GALNT9: variants seen among roughly 807,000 people sequenced by gnomAD.
The protein encoded by GALNT9 is GalNAc transferase 9.
A neutral mutation model predicts 63.1 loss-of-function variants in GALNT9; 47 were observed. That is an observed-to-expected ratio of 0.75 (90% CI 0.59 to 0.95). The LOEUF (loss-of-function observed/expected upper bound fraction) is 0.95, where lower values mean the gene tolerates loss of function less well. Ranked by LOEUF, GALNT9 falls within the 40% of genes least tolerant of loss-of-function variation. GALNT9 has a pLI of 0.00. For missense variants in GALNT9, 829 were observed against 874.8 expected, an observed-to-expected ratio of 0.95 and a Z score of 0.66; for synonymous variants, 396 against 365.7, an observed-to-expected ratio of 1.08 and a Z score of -0.94.
chr12:132,267,049 G>C (rs565450423), intron 2 of GALNT9, among the ~76,000 whole-genome samples: 1 of 152,204 alleles, frequency 6.6e-6, no homozygotes, highest in Non-Finnish European at 1.5e-5. Flanking sequence ...CTGGATGTGC[G>C]GTTGAGCTCT....
intron 1 of GALNT9, among the ~76,000 whole-genome samples, chr12:132,291,299 T>C (rs868991159): frequency 0.053 from 363 of 6,910 alleles, 2 homozygotes; most frequent in East Asian, 0.083. Context: ...CCCACGTCCA[T>C]AGCACCCACA....
intron 6 of GALNT9, among the ~76,000 whole-genome samples, chr12:132,222,473 T>C (rs1877487289): frequency 6.6e-6 from 1 of 151,986 alleles, no homozygotes; most frequent in Non-Finnish European, 1.5e-5. Flanking sequence ...CTCAACACCA[T>C]AAAATGAAGC....
At chr12:132,224,833 A>T (rs1312186586) in intron 6 of GALNT9, among the ~76,000 whole-genome samples, 1 of 127,392 alleles carries the variant, frequency 7.8e-6, no homozygotes, top group Non-Finnish European at 1.7e-5. Flanking sequence ...CCACATACAC[A>T]CCACACAACC....
chr12:132,293,823 C>T (rs1241386148), intron 1 of GALNT9, among the ~76,000 whole-genome samples: 1 of 151,488 alleles, frequency 6.6e-6, no homozygotes, highest in Non-Finnish European at 1.5e-5. Context: ...AGGGCCAGAA[C>T]GAGAAGCCGG....
Position 132,286,296 on chromosome 12 carries a change from C to T in GALNT9, c.373G>A (p.Asp125Asn), listed in dbSNP as rs559764668. ...EEYGYNAQLS[D>N]RISLDRSIPD... ...ATGCTCCGATCGAGGGAGATGCGGT[C>T]GCTGAGCTGAGCGTTGTAGCCGTAC... is the stretch of plus-strand genomic sequence containing the variant. The change falls in exon 2 of 11, where the codon GAC becomes AAC. Residue 125 changes from aspartate to asparagine, a missense_variant. By Grantham distance (23) the Asp-to-Asn change is conservative. Transcript: ENST00000328957. This position sits in a 1 kb window ranked among gnomAD's most constrained non-coding sequence, Gnocchi z 7.4. The T allele has an allele frequency of 3.9e-6, 6 of 1,551,210 alleles. No homozygotes were observed. The highest frequency in any genetic ancestry group is 2.0e-5 in the Admixed American group (1 of 50,996).
intron 6 of GALNT9, among the ~76,000 whole-genome samples, chr12:132,203,898 C>A (rs1024605772): frequency 2.6e-5 from 4 of 152,122 alleles, no homozygotes; most frequent in African/African-American, 9.7e-5. Context: ...GTCTGGGTTG[C>A]GTCCTCTCTG....
In GALNT9 at chr12:132,327,646, G is replaced by T. The variant is rs1052783393; in HGVS notation, c.238+1320C>A. On this transcript the variant is annotated intron_variant, in intron 1 of 10. Coordinates refer to ENST00000328957, the MANE Select transcript of GALNT9 (RefSeq NM_001122636.2). This position sits in a 1 kb window ranked among gnomAD's most constrained non-coding sequence, Gnocchi z 4.3. The stretch of plus-strand genomic sequence containing the variant: ...CTGCTTGAACTACTTTTCTCCCCTC[G>T]TGGCTCCAGCTGAATCAGAAAGATC... Among the ~76,000 whole-genome samples, 2 of 152,050 alleles carry T rather than the reference G, an allele frequency of 1.3e-5. No individual in the cohort carries two copies. The highest frequency in any genetic ancestry group is 2.9e-5 in the Non-Finnish European group (2 of 68,030).
chr12:132,309,819 G>T (rs1319127700), intron 1 of GALNT9, among the ~76,000 whole-genome samples: 1 of 152,218 alleles, frequency 6.6e-6, no homozygotes, highest in Non-Finnish European at 1.5e-5. Context: ...GGCAGAGAAA[G>T]AGACCATGCC....
At chr12:132,248,972 G>A (rs1448842174) in intron 5 of GALNT9, among the ~76,000 whole-genome samples, 3 of 152,240 alleles carry the variant, frequency 2.0e-5, no homozygotes, top group Non-Finnish European at 4.4e-5. Flanking sequence ...TGGAGCGGGA[G>A]GATAAGCTGG....
Position 132,246,384 on chromosome 12 carries a change from G to T in GALNT9, c.1077+1526C>A, listed in dbSNP as rs1298291864. On this transcript the variant is annotated intron_variant, in intron 6 of 10. Coordinates refer to ENST00000328957, the MANE Select transcript of GALNT9 (RefSeq NM_001122636.2). This position sits in a 1 kb window ranked among gnomAD's most constrained non-coding sequence, Gnocchi z 4.7. ...TAAACTAGATATTTTAAAGCACTTGGTCGGGGGGATTTCTGGTATGATATC... is the reference window on the plus strand; with the variant it reads ...TAAACTAGATATTTTAAAGCACTTGTTCGGGGGGATTTCTGGTATGATATC... Among the ~76,000 whole-genome samples, 14 of 152,278 alleles carry T rather than the reference G, an allele frequency of 9.2e-5. No individual in the cohort carries two copies. The highest frequency in any genetic ancestry group is 9.2e-4 in the Admixed American group (14 of 15,294).
At chr12:132,206,518 A>G (rs1876706740) in intron 6 of GALNT9, among the ~76,000 whole-genome samples, 1 of 152,112 alleles carries the variant, frequency 6.6e-6, no homozygotes, top group Admixed American at 6.5e-5. Flanking sequence ...ATGGTGGCAG[A>G]TGCCTGTAGT....
At chr12:132,300,767 CATG>C (rs1378398329) in intron 1 of GALNT9, among the ~76,000 whole-genome samples, 9 of 150,400 alleles carry the variant, frequency 6.0e-5, no homozygotes, top group Admixed American at 2.0e-4. Context: ...AACTCACTCC[CATG>C]ATAACTAACC....
intron 1 of GALNT9, among the ~76,000 whole-genome samples, chr12:132,305,804 C>T (rs1460034285): frequency 1.3e-5 from 2 of 152,222 alleles, no homozygotes; most frequent in African/African-American, 2.4e-5. Context: ...GGGTGGAGAG[C>T]GCGGCCCGAG....
rs951840164 is a variant in GALNT9 at position 132,328,952 on chromosome 12, G to A, written c.238+14C>T. ...GCAGGGCTGCCCCCACTCCGCCCCG[G>A]CGCCCCCGCTCACCGTTGAGCTGGT... On this transcript the variant is annotated intron_variant, in intron 1 of 10. Coordinates refer to ENST00000328957, the MANE Select transcript of GALNT9 (RefSeq NM_001122636.2). The A allele has an allele frequency of 2.7e-6, 4 of 1,509,080 alleles. No homozygotes were observed. In the Admixed American group the frequency reaches 6.1e-5, roughly 23 times the overall value. 93.5% of individuals were successfully genotyped at this position (1,509,080 alleles called of 1,614,324 possible).
intron 2 of GALNT9, among the ~76,000 whole-genome samples, chr12:132,267,812 C>CAT (rs143565191): frequency 7.7e-4 from 43 of 56,060 alleles, no homozygotes; most frequent in South Asian, 2.6e-3. Context: ...CACTCACACA[C>CAT]GCACTCACAC....
chr12:132,205,399 G>A (rs1218879159), intron 6 of GALNT9: 3 of 152,018 alleles, frequency 2.0e-5, no homozygotes, highest in Non-Finnish European at 4.4e-5. Context: ...GACAGATCCA[G>A]AGTCCGGGGC....
chr12:132,259,341 G>C (rs1361962121), intron 4 of GALNT9, among the ~76,000 whole-genome samples: 1 of 152,250 alleles, frequency 6.6e-6, no homozygotes, highest in Non-Finnish European at 1.5e-5. Context: ...GGGACTAAAA[G>C]GCTGCCGGTG....
chr12:132,266,444 T>C (rs1879600444), intron 2 of GALNT9, among the ~76,000 whole-genome samples: 1 of 152,034 alleles, frequency 6.6e-6, no homozygotes, highest in South Asian at 2.1e-4. Context: ...GGGCAGGTCC[T>C]AAATCCAACG....
chr12:132,268,071 A>C (rs1382412108), intron 2 of GALNT9, among the ~76,000 whole-genome samples: 1 of 150,706 alleles, frequency 6.6e-6, no homozygotes, highest in East Asian at 2.0e-4. Flanking sequence ...ACACGCACTC[A>C]CGCAGTCACA....
Sources: gnomAD v4.1 joint callset for allele counts (sites outside exome capture counted in the v4.1 genomes callset) on GRCh38, gnomAD v4.1.1 for gene constraint, Gnocchi (gnomAD v3.1) non-coding constraint, MANE v1.5 for transcripts, NCBI Gene and HGNC (gene_info 2026-07-23, HGNC 2026-07-21) for gene names.